Variants in PLD5 observed in about 807,000 individuals in gnomAD.
The protein encoded by PLD5 is phospholipase D family member 5.
PLD5 carries 36 observed loss-of-function variants against 61.1 expected under a neutral mutation model. The ratio of observed to expected loss-of-function variants is 0.59; its 90% CI spans 0.45 to 0.78. The LOEUF (loss-of-function observed/expected upper bound fraction) is 0.78. Ranked by LOEUF, PLD5 falls within the 30% of genes least tolerant of loss-of-function variation. The pLI is 0.00. For missense variants in PLD5, 515 were observed against 644.4 expected, an observed-to-expected ratio of 0.80 and a Z score of 2.17; for synonymous variants, 243 against 242.8, an observed-to-expected ratio of 1.00 and a Z score of -0.01.
chr1:242,166,801 C>T (rs988702844), intron 5 of PLD5, among the ~76,000 whole-genome samples: 2 of 152,018 alleles, frequency 1.3e-5, no homozygotes, highest in African/African-American at 4.8e-5. Context: ...CATAGTTTTT[C>T]AGGAAGGAAG....
intron 3 of PLD5, among the ~76,000 whole-genome samples, chr1:242,272,900 TTTTG>T (rs570379106): frequency 6.2e-4 from 95 of 152,210 alleles, no homozygotes; most frequent in East Asian, 4.4e-3. Flanking sequence ...GCACAAGATT[TTTTG>T]TTTGTTTTTT....
chr1:242,164,911 C>T (rs1223168378), intron 5 of PLD5, among the ~76,000 whole-genome samples: 1 of 152,138 alleles, frequency 6.6e-6, no homozygotes, highest in East Asian at 1.9e-4. Context: ...GCCTAAAATG[C>T]AAATTGTTCA....
chr1:242,433,202 G>C (rs959079850), intron 1 of PLD5, among the ~76,000 whole-genome samples: 16 of 152,098 alleles, frequency 1.1e-4, no homozygotes, highest in Non-Finnish European at 1.5e-4. Flanking sequence ...CTCAATAGAG[G>C]GTTTTCAAGT....
At chr1:242,502,559 T>TA (rs1232338429) in intron 1 of PLD5, among the ~76,000 whole-genome samples, 22 of 152,204 alleles carry the variant, frequency 1.4e-4, no homozygotes, top group African/African-American at 4.8e-4. Flanking sequence ...TTTTCTTGCA[T>TA]TTTTTCAAAT....
At chr1:242,329,093 C>T (rs1659011148) in intron 2 of PLD5, among the ~76,000 whole-genome samples, 1 of 152,060 alleles carries the variant, frequency 6.6e-6, no homozygotes, top group African/African-American at 2.4e-5. Context: ...ACTGCAACCT[C>T]TGCCTCCCAA....
At chr1:242,392,647 T>C (rs2796135) in intron 1 of PLD5, among the ~76,000 whole-genome samples, 36,287 of 151,936 alleles carry the variant, frequency 0.24, 4,836 homozygotes, top group African/African-American at 0.36. Flanking sequence ...CAGTGCCTCA[T>C]GGGTTTAGAG....
At chr1:242,295,332 G>T (rs1167460989) in intron 2 of PLD5, among the ~76,000 whole-genome samples, 1 of 151,980 alleles carries the variant, frequency 6.6e-6, no homozygotes, top group Non-Finnish European at 1.5e-5. Flanking sequence ...ATTTCCATCC[G>T]TATGTCCTTG....
At chr1:242,377,212 G>T in intron 1 of PLD5, 1 of 1,611,502 alleles carries the variant, frequency 6.2e-7, no homozygotes, top group East Asian at 2.2e-5. Context: ...CCACACTCCC[G>T]GCACTGGTAG....
chr1:242,426,153 C>T (rs773585510), intron 1 of PLD5, among the ~76,000 whole-genome samples: 6 of 151,830 alleles, frequency 4.0e-5, no homozygotes, highest in African/African-American at 1.2e-4. Flanking sequence ...TAGGCCCACA[C>T]GGGGTCAGGA....
At chr1:242,306,689 C>T (rs2149167735) in intron 2 of PLD5, among the ~76,000 whole-genome samples, 1 of 152,112 alleles carries the variant, frequency 6.6e-6, no homozygotes, top group South Asian at 2.1e-4. Flanking sequence ...GAAAACTGCA[C>T]TCATATTACC....
chr1:242,159,424 A>G (rs564635608), intron 5 of PLD5, among the ~76,000 whole-genome samples: 34 of 152,222 alleles, frequency 2.2e-4, no homozygotes, highest in African/African-American at 7.5e-4. Context: ...CTGCACCTCA[A>G]TGGTGGTCTA....
chr1:242,132,167 G>A (rs1663313937), intron 5 of PLD5, among the ~76,000 whole-genome samples: 1 of 131,184 alleles, frequency 7.6e-6, no homozygotes, highest in Non-Finnish European at 1.6e-5. Context: ...GTGAAAGGTG[G>A]TCATCAAAGA....
At chr1:242,246,069 A>G (rs35128030) in intron 4 of PLD5, among the ~76,000 whole-genome samples, 16,413 of 152,216 alleles carry the variant, frequency 0.11, 1,153 homozygotes, top group South Asian at 0.25. Context: ...TGTAGAAATC[A>G]GGAGACTGAA....
At chr1:242,154,199 C>T (rs146316331) in intron 5 of PLD5, among the ~76,000 whole-genome samples, 4,819 of 152,198 alleles carry the variant, frequency 0.032, 98 homozygotes, top group Middle Eastern at 0.11. Context: ...AATTTTGTAT[C>T]CTGAGACTTT....
chr1:242,402,855 G>A (rs1047882948), intron 1 of PLD5, among the ~76,000 whole-genome samples: 2 of 152,162 alleles, frequency 1.3e-5, no homozygotes, highest in African/African-American at 2.4e-5. Context: ...TATAATAATT[G>A]GCAAATAGAT....
At chr1:242,178,208 C>G (rs573315818) in intron 5 of PLD5, 4 of 152,316 alleles carry the variant, frequency 2.6e-5, no homozygotes, top group African/African-American at 9.6e-5. Context: ...CATATATACA[C>G]TTGCCATTTA....
rs566019367 is a variant in PLD5, at chr1:242,247,015, G to T, written c.607+18322C>A. Among the ~76,000 whole-genome samples the T allele has an allele frequency of 8.8e-4, 129 of 146,872 alleles. 6 individuals carry two copies. The South Asian group carries it at 0.026, about 30-fold the overall frequency. ...TTTTTTTTTTTTGAGACGGAGTTTC[G>T]CTCTGTCGCCCAGGCTGGAGTGCAG... On this transcript the variant is annotated intron_variant, in intron 4 of 9. Coordinates refer to ENST00000536534, the MANE Select transcript of PLD5 (RefSeq NM_001372062.1).
At chr1:242,123,698 T>C (rs1662562066) in intron 6 of PLD5, among the ~76,000 whole-genome samples, 1 of 152,222 alleles carries the variant, frequency 6.6e-6, no homozygotes, top group Non-Finnish European at 1.5e-5. Context: ...TTTTTTCTTA[T>C]CAACATGATA....
chr1:242,510,522 A>G (rs1037460195), intron 1 of PLD5, among the ~76,000 whole-genome samples: 2 of 152,178 alleles, frequency 1.3e-5, no homozygotes, highest in African/African-American at 4.8e-5. Flanking sequence ...GGCCAGGGTT[A>G]TAATTAAGGA....
Sources: allele counts gnomAD v4.1 joint callset (sites outside exome capture counted in the v4.1 genomes callset), GRCh38; gene constraint gnomAD v4.1.1; transcripts MANE v1.5; gene names NCBI Gene and HGNC (gene_info 2026-07-23, HGNC 2026-07-21).